FREM3: variants seen among roughly 807,000 people sequenced by gnomAD.
FREM3 encodes the protein FRAS1 related extracellular matrix 3, also known as FRAS1-related extracellular matrix protein 3.
A neutral mutation model predicts 129.1 loss-of-function variants in FREM3; 105 were observed. That is an observed-to-expected ratio of 0.81 (90% CI 0.69 to 0.96). FREM3 has a LOEUF of 0.96. Ranked by LOEUF, FREM3 falls within the 40% of genes least tolerant of loss-of-function variation. The probability of loss-of-function intolerance (pLI) is 0.00; values close to 1 mark genes in which losing one functional copy is unlikely to be tolerated. For synonymous variants in FREM3, 1,014 were observed against 1,044.9 expected, an observed-to-expected ratio of 0.97 and a Z score of 0.57; for missense variants, 2,593 against 2,666.3, an observed-to-expected ratio of 0.97 and a Z score of 0.61.
Position 143,697,256 on chromosome 4 carries a change from G to A in FREM3, c.3420C>T (p.Ser1140=), listed in dbSNP as rs751798690. The change falls in exon 1 of 8, where the codon TCC becomes TCT. Residue 1140 remains serine, a synonymous_variant. Coordinates refer to ENST00000329798, the MANE Select transcript of FREM3 (RefSeq NM_001168235.2). The stretch of plus-strand genomic sequence containing the variant: ...TATGCCTCACTTGGATATCTCTGAG[G>A]GAGAAAGCACTGATAGGGCTACCAG... ...SQSGSPISAF[S]LRDIQVRHIN... is the part of the protein sequence containing the mutation. 53 of 1,537,392 alleles carry A rather than the reference G, an allele frequency of 3.4e-5. No individual in the cohort carries two copies. The highest frequency in any genetic ancestry group is 4.0e-5 in the Non-Finnish European group (46 of 1,146,952).
rs571673757 is a variant in FREM3, at chr4:143,592,033, A to G, written c.6029-6040T>C. On this transcript the variant is annotated intron_variant, in intron 6 of 7. Transcript: ENST00000329798. ...CTCTTTTGATCTTTGTTGGTTTAAC[A>G]TCTGTTTTATCAGAGACTAGGATTG... Among the ~76,000 whole-genome samples the G allele has an allele frequency of 4.2e-3, 634 of 152,178 alleles. 4 individuals carry two copies. The highest frequency in any genetic ancestry group is 6.8e-3 in the Non-Finnish European group (460 of 67,970).
intron 2 of FREM3, among the ~76,000 whole-genome samples, chr4:143,644,558 G>T (rs1343354521): frequency 6.6e-6 from 1 of 151,984 alleles, no homozygotes; most frequent in Non-Finnish European, 1.5e-5. Flanking sequence ...ACAAAAATGG[G>T]CATGATCTCT....
intron 2 of FREM3, among the ~76,000 whole-genome samples, chr4:143,676,446 G>T (rs1356530499): frequency 6.6e-6 from 1 of 152,100 alleles, no homozygotes; most frequent in African/African-American, 2.4e-5. Context: ...TACTGAATGG[G>T]CAAAAACTGG....
chr4:143,592,356 C>T (rs1408702102), intron 6 of FREM3, among the ~76,000 whole-genome samples: 4 of 152,148 alleles, frequency 2.6e-5, no homozygotes, highest in African/African-American at 7.2e-5. Context: ...TACAATTTGG[C>T]ATGTTTTTGC....
Position 143,655,174 on chromosome 4 carries a change from C to T in FREM3, c.5276-27414G>A, listed in dbSNP as rs187775070. Among the ~76,000 whole-genome samples the T allele has an allele frequency of 3.8e-3, 585 of 152,254 alleles. 3 individuals carry two copies. Among genetic ancestry groups the T allele is most frequent in the African/African-American group, 0.013 (546 of 41,540 alleles). On this transcript the variant is annotated intron_variant, in intron 2 of 7. Coordinates refer to ENST00000329798, the MANE Select transcript of FREM3 (RefSeq NM_001168235.2). ...CATTGTACTGTGCACCAGTGTACTC[C>T]TCCTTAGGACTTTTTTCCCTAGCAA...
chr4:143,637,110 C>T (rs1292258540), intron 2 of FREM3, among the ~76,000 whole-genome samples: 1 of 152,140 alleles, frequency 6.6e-6, no homozygotes, highest in East Asian at 1.9e-4. Flanking sequence ...CATTTGGAAA[C>T]AATACCTTTA....
Position 143,697,564 on chromosome 4 carries a change from T to A in FREM3, c.3112A>T (p.Ile1038Phe). Residue 1038 changes from isoleucine (I) to phenylalanine (F), a missense_variant, in exon 1 of 8, where the codon ATC becomes TTC. Transcript: ENST00000329798. ...CATTGGTAAGAATCTTTGGAGAGGA[T>A]GAGGCTGAAGGCATCGTGCTGCTTT... is the stretch of plus-strand genomic sequence containing the variant. ...FQKQHDAFSL[I>F]LSKDSYQWVV... 1 of 1,537,480 alleles carries A rather than the reference T, an allele frequency of 6.5e-7. No individual in the cohort carries two copies. The highest frequency in any genetic ancestry group is 8.7e-7 in the Non-Finnish European group (1 of 1,146,964).
At chr4:143,678,759 C>T (rs115656459) in intron 2 of FREM3, among the ~76,000 whole-genome samples, 13 of 152,088 alleles carry the variant, frequency 8.5e-5, no homozygotes, top group Admixed American at 7.9e-4. Context: ...TATTAGATAA[C>T]CTCTTAATTA....
At position 143,697,676 on chromosome 4, in the gene FREM3, A is replaced by G. The variant is rs1740602003; in HGVS notation, c.3000T>C (p.Asn1000=). The part of the protein sequence containing the change: ...DSPKLGTILV[N]GLPTERFTQE... ...GGGTGAATCGTTCTGTGGGCAAACCATTTACCAGAATAGTGCCCAGTTTGG... is the reference window on the plus strand; with the variant it reads ...GGGTGAATCGTTCTGTGGGCAAACCGTTTACCAGAATAGTGCCCAGTTTGG... The change falls in exon 1 of 8, where the codon AAT becomes AAC. Residue 1000 remains asparagine (N), a synonymous_variant. Coordinates refer to ENST00000329798, the MANE Select transcript of FREM3 (RefSeq NM_001168235.2). The G allele has an allele frequency of 2.0e-6, 3 of 1,537,844 alleles. No homozygotes were observed. Among genetic ancestry groups the G allele is most frequent in the East Asian group, 2.4e-5 (1 of 40,908 alleles).
rs776491489 is a variant in FREM3, at chr4:143,698,284, G to A, written c.2392C>T (p.Arg798Trp). The change falls in exon 1 of 8, where the codon CGG becomes TGG. Residue 798 changes from arginine to tryptophan, a missense_variant. Coordinates refer to ENST00000329798, the MANE Select transcript of FREM3 (RefSeq NM_001168235.2). ...QPPQKLGIAP[R>W]VVQFTYQVED... ...ACCTGGTAAGTAAACTGCACAACCC[G>A]TGGTGCAATACCCAATTTCTGTGGA... 65 of 1,537,538 alleles carry A rather than the reference G, an allele frequency of 4.2e-5. No homozygotes were observed. Among genetic ancestry groups the A allele is most frequent in the Non-Finnish European group, 5.4e-5 (62 of 1,147,024 alleles).
chr4:143,672,310 G>A (rs947924684), intron 2 of FREM3, among the ~76,000 whole-genome samples: 1 of 152,118 alleles, frequency 6.6e-6, no homozygotes, highest in Admixed American at 6.6e-5. Context: ...TTGGAACATC[G>A]ACCAGCAAGA....
Position 143,577,636 on chromosome 4 carries a change from T to C in FREM3, c.6395A>G (p.Gln2132Arg), listed in dbSNP as rs1738063064. 1 of 1,537,414 alleles carries C rather than the reference T, an allele frequency of 6.5e-7. No individual in the cohort carries two copies. The highest frequency in any genetic ancestry group is 8.7e-7 in the Non-Finnish European group (1 of 1,146,926). The change falls in exon 8 of 8, where the codon CAG (glutamine) becomes CGG (arginine). Residue 2132 changes from glutamine (Q) to arginine (R), a missense_variant. Transcript: ENST00000329798. ...FIEDTITDCK[Q>R]SACSSFD Reference sequence around the variant, plus strand: ...TCAATCAAAGGAACTACAAGCACTCTGCTTACAGTCCGTGATGGTGTCCTC... The same window carrying C: ...TCAATCAAAGGAACTACAAGCACTCCGCTTACAGTCCGTGATGGTGTCCTC...
Position 143,628,166 on chromosome 4 carries a change from C to T in FREM3, c.5276-406G>A, listed in dbSNP as rs893512712. Among the ~76,000 whole-genome samples the T allele has an allele frequency of 8.5e-5, 13 of 152,266 alleles. No individual in the cohort carries two copies. In the South Asian group the frequency reaches 2.7e-3, roughly 32 times the overall value. On this transcript the variant is annotated intron_variant, in intron 2 of 7. Coordinates refer to ENST00000329798, the MANE Select transcript of FREM3 (RefSeq NM_001168235.2). ...TACTTACTCCTTTATATTATTTGAG[C>T]ATCCATTTGATCTCATATTAGTCTG...
At chr4:143,587,868 G>A (rs1193855087) in intron 6 of FREM3, among the ~76,000 whole-genome samples, 1 of 152,104 alleles carries the variant, frequency 6.6e-6, no homozygotes, top group Non-Finnish European at 1.5e-5. Flanking sequence ...AACCTATTTA[G>A]CATTTGGAAG....
intron 2 of FREM3, among the ~76,000 whole-genome samples, chr4:143,679,509 C>T (rs978355745): frequency 1.3e-5 from 2 of 152,060 alleles, no homozygotes; most frequent in African/African-American, 2.4e-5. Flanking sequence ...TCAGCGGTTT[C>T]AGCATAAAAG....
intron 7 of FREM3, among the ~76,000 whole-genome samples, chr4:143,581,425 T>C (rs1377887512): frequency 6.6e-6 from 1 of 150,994 alleles, no homozygotes; most frequent in East Asian, 2.0e-4. Flanking sequence ...GAGCTCAGTT[T>C]CTGTTTCCTG....
intron 1 of FREM3, among the ~76,000 whole-genome samples, chr4:143,694,611 A>G (rs143835138): frequency 1.5e-3 from 229 of 152,338 alleles, no homozygotes; most frequent in African/African-American, 4.9e-3. Flanking sequence ...TGAAAATGTT[A>G]TCACTGTTGT....
At chr4:143,690,017 TA>T (rs34995101) in intron 2 of FREM3, among the ~76,000 whole-genome samples, 93,568 of 136,394 alleles carry the variant, frequency 0.69, 32,136 homozygotes, top group Non-Finnish European at 0.75. Flanking sequence ...ATGGAAAAAT[TA>T]AAAAAAAAAA....
In FREM3 at chr4:143,700,469, G is replaced by C. The variant is rs1443945524; in HGVS notation, c.207C>G (p.Leu69=). The C allele has an allele frequency of 4.6e-6, 7 of 1,511,332 alleles. No individual in the cohort carries two copies. Among genetic ancestry groups the C allele is most frequent in the Non-Finnish European group, 2.7e-6 (3 of 1,131,996 alleles). 93.6% of individuals were successfully genotyped at this position (1,511,332 alleles called of 1,614,324 possible). ...GPSVLIANPG[L]RVPLGRSLWL... ...AAAGGGAACGACCCAGGGGCACCCG[G>C]AGTCCAGGGTTGGCAATCAGCACGC... The change falls in exon 1 of 8, where the codon CTC becomes CTG. Residue 69 remains leucine, a synonymous_variant. Transcript: ENST00000329798.
Sources: allele counts gnomAD v4.1 joint callset (sites outside exome capture counted in the v4.1 genomes callset), GRCh38; gene constraint gnomAD v4.1.1; transcripts MANE v1.5; gene names NCBI Gene and HGNC (gene_info 2026-07-23, HGNC 2026-07-21).